TCFL5: variants seen among roughly 807,000 people sequenced by gnomAD.
TCFL5 encodes the protein transcription factor like 5, also known as transcription factor-like 5 protein.
Under a neutral mutation model 44.3 loss-of-function variants are expected in TCFL5, and 9 were observed. The ratio of observed to expected loss-of-function variants is 0.20; its 90% CI spans 0.12 to 0.35. TCFL5 has a LOEUF of 0.35. TCFL5 is among the 10% of genes least tolerant of loss of function. The pLI, the probability that TCFL5 is intolerant of heterozygous loss-of-function variation, is 1.00. For missense variants in TCFL5, 603 were observed against 613.4 expected (o/e 0.98, Z 0.18); for synonymous variants, 319 against 271.6 (o/e 1.17, Z -1.72).
At chr20:62,853,095 C>A (rs2063836305) in intron 5 of TCFL5, among the ~76,000 whole-genome samples, 1 of 147,030 alleles carries the variant, frequency 6.8e-6, no homozygotes, top group Non-Finnish European at 1.5e-5. Flanking sequence ...AGTCACCGGT[C>A]CACAGAAGCA....
chr20:62,851,435 AAATCAGATCAATAATGATTTACT>A (rs1444600309), intron 5 of TCFL5: 2 of 769,664 alleles, frequency 2.6e-6, no homozygotes, highest in African/African-American at 3.8e-5. Flanking sequence ...CGTCTTGAGT[AAATCAGATCAATAATGATTTACT>A]AATAGATACA....
At chr20:62,849,581 G>A (rs1057374279) in intron 5 of TCFL5, among the ~76,000 whole-genome samples, 1 of 151,906 alleles carries the variant, frequency 6.6e-6, no homozygotes, top group African/African-American at 2.4e-5. Flanking sequence ...AGAACATTTT[G>A]GCTGGGTGTG....
At chr20:62,858,545 G>A (rs2063931680) in intron 3 of TCFL5, among the ~76,000 whole-genome samples, 1 of 152,250 alleles carries the variant, frequency 6.6e-6, no homozygotes, top group Non-Finnish European at 1.5e-5. Flanking sequence ...TCCCCATCTT[G>A]TCTTCACCAA....
chr20:62,859,236 A>C (rs1405651786), intron 3 of TCFL5, 128 bp downstream of exon 3: 3 of 849,552 alleles, frequency 3.5e-6, no homozygotes, highest in Non-Finnish European at 5.4e-6. Context: ...TGAGATACAC[A>C]GACACCTCCA....
Position 62,842,155 on chromosome 20 carries a change from T to C in TCFL5, c.1381-58A>G, listed in dbSNP as rs1301974123. ...ATTAACTGACATGAAAACTGCTGTC[T>C]TCCAAAGTGCAAAAGGTTCAAATTA... On this transcript the variant is annotated intron_variant, in intron 5 of 5. Transcript: ENST00000335351. The surrounding 1 kb of genome is among the most constrained non-coding windows in gnomAD (Gnocchi z 4.3). 7 of 1,606,190 alleles carry C rather than the reference T, an allele frequency of 4.4e-6. No individual in the cohort carries two copies. The African/African-American group carries it at 9.4e-5, about 21-fold the overall frequency.
chr20:62,855,347 G>A (rs1444886722), intron 4 of TCFL5, among the ~76,000 whole-genome samples: 1 of 152,136 alleles, frequency 6.6e-6, no homozygotes, highest in Non-Finnish European at 1.5e-5. Context: ...TTTTTCTTTA[G>A]AGACGGGGAC....
intron 5 of TCFL5, among the ~76,000 whole-genome samples, chr20:62,851,204 C>G (rs2063805397): frequency 6.6e-6 from 1 of 152,048 alleles, no homozygotes; most frequent in Admixed American, 6.6e-5. Flanking sequence ...TTTTTATGTT[C>G]TAATTCCCCG....
At position 62,841,141 on chromosome 20, in the gene TCFL5, C is replaced by T. The variant is rs886056918; in HGVS notation, c.*834G>A. The stretch of plus-strand genomic sequence containing the variant: ...AACAAAAAATAAAGAATTTAATGTA[C>T]AGTAAATTCTCTCCCATACAAAGGT... On this transcript the variant is annotated 3_prime_UTR_variant, in exon 6 of 6. Transcript: ENST00000335351. The T allele has an allele frequency of 9.3e-6, 2 of 214,692 alleles. No individual in the cohort carries two copies. The highest frequency in any genetic ancestry group is 1.9e-5 in the Non-Finnish European group (2 of 104,978). The allele number at this position is 214,692 out of a possible 1,614,324, so 13.3% of individuals were successfully genotyped here.
In TCFL5 at chr20:62,854,156, G is replaced by A. The variant is rs1439099581; in HGVS notation, c.1240C>T (p.Arg414Cys). The A allele has an allele frequency of 1.9e-6, 3 of 1,613,798 alleles. No individual in the cohort carries two copies. The highest frequency in any genetic ancestry group is 1.7e-5 in the Admixed American group (1 of 59,968). Reference protein sequence around the residue: ...RHNRMERDRRRRIRICCDELN... With the variant: ...RHNRMERDRRCRIRICCDELN... ...TCATCACAGCAAATGCGGATTCTGCGCCTATAGTCAAAACCCAAAGTCATC... is the reference window on the plus strand; with the variant it reads ...TCATCACAGCAAATGCGGATTCTGCACCTATAGTCAAAACCCAAAGTCATC... The change falls in exon 5 of 6, where the codon CGC becomes TGC. Residue 414 changes from arginine (R) to cysteine (C), a missense_variant and splice_region_variant. Arg to Cys is a radical substitution (Grantham distance 180, BLOSUM62 -3). Transcript: ENST00000335351.
At position 62,845,938 on chromosome 20, in the gene TCFL5, G is replaced by T. The variant is rs751542161; in HGVS notation, c.1381-3841C>A. Reference sequence around the variant, plus strand: ...GGAAGCCTTCAGGAATCCGAACCCTGAACAGCTGGAAATGAGCCCAGATAG... The same window carrying T: ...GGAAGCCTTCAGGAATCCGAACCCTTAACAGCTGGAAATGAGCCCAGATAG... On this transcript the variant is annotated intron_variant, in intron 5 of 5. Coordinates refer to ENST00000335351, the MANE Select transcript of TCFL5 (RefSeq NM_006602.4). The T allele has an allele frequency of 5.5e-5, 81 of 1,479,114 alleles. 1 individual carries two copies. Among genetic ancestry groups the T allele is most frequent in the South Asian group, 1.2e-5 (1 of 83,368 alleles). 91.6% of individuals were successfully genotyped at this position (1,479,114 alleles called of 1,614,324 possible). A position where few individuals can be genotyped will look rare whatever the true frequency, so the allele number is the denominator to read the frequency against.
At chr20:62,854,223 G>T in intron 4 of TCFL5, 66 bp from the exon 5 acceptor site, 1 of 1,577,854 alleles carries the variant, frequency 6.3e-7, no homozygotes, top group Non-Finnish European at 8.6e-7. Flanking sequence ...AAAAGGAAGC[G>T]TCTCCTGTAG....
chr20:62,842,055 T>C lies in TCFL5; in HGVS notation c.1423A>G (p.Lys475Glu). ...VFCGKTGRRL[K>E]LTRPDSLVTC... The stretch of plus-strand genomic sequence containing the variant: ...ACCAAGGAGTCCGGTCTGGTCAGCT[T>C]TAGCCTTCGGCCAGTTTTACCGCAA... The change falls in exon 6 of 6, where the codon AAG becomes GAG. Residue 475 changes from lysine (K) to glutamate (E), a missense_variant. Transcript: ENST00000335351. This position sits in a 1 kb window ranked among gnomAD's most constrained non-coding sequence, Gnocchi z 4.3. 1 of 1,614,240 alleles carries C rather than the reference T, an allele frequency of 6.2e-7. No homozygotes were observed. Among genetic ancestry groups the C allele is most frequent in the Non-Finnish European group, 8.5e-7 (1 of 1,180,038 alleles).
Position 62,861,191 on chromosome 20 carries a change from C to A in TCFL5, c.480G>T (p.Glu160Asp). Residue 160 changes from glutamate (E) to aspartate (D), a missense_variant, in exon 1 of 6, where the codon GAG becomes GAT. Physicochemically the swap from Glu to Asp is conservative, Grantham distance 45. This residue lies in a region of TCFL5 where 540 missense variants were observed against 478.7 expected (regional missense o/e 1.13). Coordinates refer to ENST00000335351, the MANE Select transcript of TCFL5 (RefSeq NM_006602.4). The surrounding 1 kb of genome is among the most constrained non-coding windows in gnomAD (Gnocchi z 4.0). ...ARARADGAAK[E>D]GAGAAAAAAG... is the part of the protein sequence containing the mutation. ...CCGCAGCCGCAGCCGCGCCCGCGCC[C>A]TCCTTGGCGGCGCCGTCGGCCCGGG... 9.6e-7 allele frequency: 1 copy of A among 1,042,710 alleles called. No individual in the cohort carries two copies. 64.6% of individuals were successfully genotyped at this position (1,042,710 alleles called of 1,614,324 possible).
chr20:62,860,480 T>G (rs1384808242), intron 1 of TCFL5, among the ~76,000 whole-genome samples, 172 bp from the exon 2 acceptor site: 2 of 152,196 alleles, frequency 1.3e-5, no homozygotes, highest in Admixed American at 6.5e-5. Flanking sequence ...CTCCTCTTCC[T>G]ATGGAGGAAA....
rs1195829081 is a variant in TCFL5, at chr20:62,842,551, CAGG to C, written c.1381-457_1381-455del. On this transcript the variant is annotated intron_variant, in intron 5 of 5. Coordinates refer to ENST00000335351, the MANE Select transcript of TCFL5 (RefSeq NM_006602.4). This position sits in a 1 kb window ranked among gnomAD's most constrained non-coding sequence, Gnocchi z 4.3. The stretch of plus-strand genomic sequence containing the variant: ...CCGAGGTGGGTGGATCACCTGACGT[CAGG>C]AGTTCAGGACCAGCCTGATTAACAT... 1.3e-5 allele frequency among the ~76,000 whole-genome samples: 2 copies of C among 152,198 alleles called. No individual in the cohort carries two copies. Among genetic ancestry groups the C allele is most frequent in the Non-Finnish European group, 2.9e-5 (2 of 68,040 alleles).
intron 4 of TCFL5, among the ~76,000 whole-genome samples, chr20:62,856,776 C>CCAAACAG (rs1568790677): frequency 1.3e-5 from 2 of 151,230 alleles, no homozygotes; most frequent in African/African-American, 4.9e-5. Flanking sequence ...GCAGCAGTTA[C>CCAAACAG]CAAAACAGCC....
In TCFL5 at chr20:62,857,092, G is replaced by T. The variant is rs74901179; in HGVS notation, c.1238+303C>A. Reference sequence around the variant, plus strand: ...GACTCCACAGGGCGCGCTCTTAGAAGCTTGCACCTCAGCTCCTGCCTTCTC... The same window carrying T: ...GACTCCACAGGGCGCGCTCTTAGAATCTTGCACCTCAGCTCCTGCCTTCTC... On this transcript the variant is annotated intron_variant, in intron 4 of 5. Coordinates refer to ENST00000335351, the MANE Select transcript of TCFL5 (RefSeq NM_006602.4). 2.2e-4 allele frequency among the ~76,000 whole-genome samples: 34 copies of T among 152,310 alleles called. No homozygotes were observed. The East Asian group carries it at 6.4e-3, about 29-fold the overall frequency.
At position 62,861,236 on chromosome 20, in the gene TCFL5, G is replaced by A; in HGVS notation, c.435C>T (p.Gly145=). The A allele has an allele frequency of 8.5e-7, 1 of 1,172,994 alleles. No individual in the cohort carries two copies. 72.7% of individuals were successfully genotyped at this position (1,172,994 alleles called of 1,614,324 possible). Residue 145 remains glycine, a synonymous_variant, in exon 1 of 6, where the codon GGC becomes GGT. Transcript: ENST00000335351. The surrounding 1 kb of genome is among the most constrained non-coding windows in gnomAD (Gnocchi z 4.0). ...SEAGAAEKTS[G]GGDGARARAD... is the part of the protein sequence containing the mutation. The stretch of plus-strand genomic sequence containing the variant: ...CCCGGGCCCTCGCTCCGTCCCCGCC[G>A]CCCGACGTCTTCTCCGCCGCGCCCG...
At chr20:62,851,467 C>A (rs1282563404) in intron 5 of TCFL5, 3 of 945,438 alleles carry the variant, frequency 3.2e-6, no homozygotes, top group Non-Finnish European at 3.8e-6. Context: ...CTAATAGATA[C>A]ACAAAGCCAA....
Sources: gnomAD v4.1 joint callset for allele counts (sites outside exome capture counted in the v4.1 genomes callset) on GRCh38, gnomAD v4.1.1 for gene constraint, gnomAD v4.1.1 regional missense constraint, Gnocchi (gnomAD v3.1) non-coding constraint, MANE v1.5 for transcripts, NCBI Gene and HGNC (gene_info 2026-07-23, HGNC 2026-07-21) for gene names.